The following IQSEC1 variants were observed in gnomAD, a reference collection of about 807,000 sequenced individuals.
IQSEC1 encodes the protein IQ motif and SEC7 domain-containing protein 1.
IQSEC1 carries 31 observed loss-of-function variants against 91.0 expected under a neutral mutation model. The ratio of observed to expected loss-of-function variants is 0.34; its 90% CI spans 0.26 to 0.46. IQSEC1 has a LOEUF of 0.46. Ranked by LOEUF, IQSEC1 falls within the 20% of genes least tolerant of loss-of-function variation. The pLI is 1.00. For missense variants in IQSEC1, 1,388 were observed against 1,575.6 expected (o/e 0.88, Z 2.02); for synonymous variants, 699 against 662.6 (o/e 1.05, Z -0.84).
intron 2 of IQSEC1, among the ~76,000 whole-genome samples, chr3:13,100,715 C>T (rs1227689973): frequency 6.7e-6 from 1 of 148,982 alleles, no homozygotes; most frequent in Admixed American, 6.6e-5. Context: ...TCCTGCCGAG[C>T]CTCACATTTC....
chr3:12,926,779 C>G (rs112329451), intron 3 of IQSEC1, among the ~76,000 whole-genome samples: 123 of 152,334 alleles, frequency 8.1e-4, no homozygotes, highest in African/African-American at 2.8e-3. Flanking sequence ...CTGCAGACAC[C>G]GCATTTCCAT....
In IQSEC1 at chr3:12,902,915, C is replaced by A. The variant is rs979268158; in HGVS notation, c.2756-93G>T. The A allele has an allele frequency of 1.3e-5, 13 of 970,006 alleles. No individual in the cohort carries two copies. In the Admixed American group the frequency reaches 2.4e-4, roughly 18 times the overall value. 60.1% of individuals were successfully genotyped at this position (970,006 alleles called of 1,614,324 possible). ...CCACGCTGCTGCCACGGAGCCTGCA[C>A]CCCTGCTGGGAGCAGGCACAGGTGC... On this transcript the variant is annotated intron_variant, in intron 12 of 13. Coordinates refer to ENST00000613206, the MANE Select transcript of IQSEC1 (RefSeq NM_001134382.3).
chr3:12,900,559 G>A lies in IQSEC1; in HGVS notation c.*424C>T, dbSNP rs1694148167. Reference sequence around the variant, plus strand: ...ATTTTTTTGCCCATTGTCAATAAAAGAGCAATAATGCAGCAAGTTTTGGGG... The same window carrying A: ...ATTTTTTTGCCCATTGTCAATAAAAAAGCAATAATGCAGCAAGTTTTGGGG... On this transcript the variant is annotated 3_prime_UTR_variant, in exon 14 of 14. Coordinates refer to ENST00000613206, the MANE Select transcript of IQSEC1 (RefSeq NM_001134382.3). The A allele has an allele frequency of 4.0e-6, 4 of 995,228 alleles. No homozygotes were observed. The South Asian group carries it at 1.3e-4, about 33-fold the overall frequency. 61.6% of individuals were successfully genotyped at this position (995,228 alleles called of 1,614,324 possible).
At chr3:13,005,551 T>C (rs1702601402) in intron 1 of IQSEC1, among the ~76,000 whole-genome samples, 1 of 152,204 alleles carries the variant, frequency 6.6e-6, no homozygotes, top group Non-Finnish European at 1.5e-5. Flanking sequence ...GGGGCTGACA[T>C]TCACAGCAGG....
intron 2 of IQSEC1, among the ~76,000 whole-genome samples, chr3:13,128,377 T>C (rs768070298): frequency 6.6e-6 from 1 of 152,214 alleles, no homozygotes; most frequent in Non-Finnish European, 1.5e-5. Flanking sequence ...GTTTTCTTAA[T>C]CATGCATGGG....
intron 1 of IQSEC1, among the ~76,000 whole-genome samples, chr3:13,179,469 G>A (rs1425960544): frequency 3.9e-5 from 6 of 152,230 alleles, no homozygotes; most frequent in South Asian, 2.1e-4. Flanking sequence ...CCTATACCTC[G>A]TGGAAATATC....
Position 12,900,936 on chromosome 3 carries a change from G to A in IQSEC1, c.*47C>T. On this transcript the variant is annotated 3_prime_UTR_variant, in exon 14 of 14. Coordinates refer to ENST00000613206, the MANE Select transcript of IQSEC1 (RefSeq NM_001134382.3). ...CTGGCGACCCCCGGGCGTGCCCTGT[G>A]TGGTGTGCAGGTGTTTCAGGGAGCC... is the stretch of plus-strand genomic sequence containing the variant. 1 of 1,538,872 alleles carries A rather than the reference G, an allele frequency of 6.5e-7. No homozygotes were observed.
chr3:13,272,152 G>C (rs1423125328), intron 1 of IQSEC1, among the ~76,000 whole-genome samples: 2 of 152,188 alleles, frequency 1.3e-5, no homozygotes. Flanking sequence ...AGCTCTGATA[G>C]GGATATGCTT....
At chr3:12,958,486 C>T (rs1700055717) in intron 1 of IQSEC1, among the ~76,000 whole-genome samples, 1 of 152,190 alleles carries the variant, frequency 6.6e-6, no homozygotes, top group East Asian at 1.9e-4. Flanking sequence ...ATAACACACA[C>T]AAAATCCTCA....
chr3:12,914,004 C>G (rs1241027767), intron 8 of IQSEC1, among the ~76,000 whole-genome samples: 1 of 152,198 alleles, frequency 6.6e-6, no homozygotes, highest in Non-Finnish European at 1.5e-5. Context: ...AAAACTGAGG[C>G]ACAGAAGTAA....
chr3:12,950,588 CT>C (rs1431907340), intron 1 of IQSEC1, among the ~76,000 whole-genome samples: 10 of 152,084 alleles, frequency 6.6e-5, no homozygotes, highest in Non-Finnish European at 1.2e-4. Flanking sequence ...AGGAGGATCA[CT>C]TGAGGCCAGG....
Position 13,246,807 on chromosome 3 carries a change from G to A in IQSEC1, c.272+35904C>T, listed in dbSNP as rs138195979. ...ACTGCAGACACCTCCCTCCCTGCACGGACCGGGCAGGAACAGCGAGCTATG... is the reference window on the plus strand; with the variant it reads ...ACTGCAGACACCTCCCTCCCTGCACAGACCGGGCAGGAACAGCGAGCTATG... On this transcript the variant is annotated intron_variant, in intron 1 of 15. Coordinates refer to the IQSEC1 transcript ENST00000648114. Among the ~76,000 whole-genome samples, 1,387 of 152,228 alleles carry A rather than the reference G, an allele frequency of 9.1e-3. 10 individuals are homozygous for A. Among genetic ancestry groups the A allele is most frequent in the African/African-American group, 0.032 (1,313 of 41,524 alleles).
chr3:13,159,300 A>G lies in IQSEC1; in HGVS notation c.302+4804T>C, dbSNP rs67229751. 5.0e-3 allele frequency among the ~76,000 whole-genome samples: 755 copies of G among 152,222 alleles called. 6 individuals carry two copies. Among genetic ancestry groups the G allele is most frequent in the African/African-American group, 0.017 (702 of 41,554 alleles). On this transcript the variant is annotated intron_variant, in intron 2 of 15. Transcript: ENST00000648114. ...AAAAATTAGCTGGGCCTGGTGGCAG[A>G]CACCTGCAATCCCAGCTTCTCGGGA...
At chr3:13,216,302 TAC>T (rs1413344453) in intron 1 of IQSEC1, among the ~76,000 whole-genome samples, 2 of 152,218 alleles carry the variant, frequency 1.3e-5, no homozygotes, top group Non-Finnish European at 2.9e-5. Context: ...CAGCATCCCC[TAC>T]ACCAGCAGCC....
chr3:13,203,686 A>T (rs901592039), intron 1 of IQSEC1, among the ~76,000 whole-genome samples: 4 of 152,172 alleles, frequency 2.6e-5, no homozygotes, highest in Non-Finnish European at 5.9e-5. Context: ...GTGGGTCTCA[A>T]AGCAAGTCAG....
chr3:13,078,399 C>A (rs1246312929), upstream of IQSEC1, among the ~76,000 whole-genome samples: 1 of 152,170 alleles, frequency 6.6e-6, no homozygotes, highest in Non-Finnish European at 1.5e-5. Flanking sequence ...CCCCTGCGTG[C>A]AGAGACAGAG....
chr3:12,915,639 C>T lies in IQSEC1; in HGVS notation c.2115G>A (p.Val705=). 6.2e-7 allele frequency: 1 copy of T among 1,614,162 alleles called. No homozygotes were observed. The highest frequency in any genetic ancestry group is 8.5e-7 in the Non-Finnish European group (1 of 1,180,020). The change falls in exon 7 of 14, where the codon GTG becomes GTA. Residue 705 remains valine, a synonymous_variant. Transcript: ENST00000613206. ...KRELKTNEDH[V]SQVQKVEKLI... The stretch of plus-strand genomic sequence containing the variant: ...GCTTCTCCACCTTCTGCACCTGGGA[C>T]ACATGGTCCTCATTGGTCTTTAGCT...
Position 12,967,779 on chromosome 3 carries a change from C to G in IQSEC1, c.24-25914G>C. Reference sequence around the variant, plus strand: ...GCCGGAGGGCGAGCTGGGGGCGGGGCCGGAGGGCGAGCTGGGGGCGGGGCT... The same window carrying G: ...GCCGGAGGGCGAGCTGGGGGCGGGGGCGGAGGGCGAGCTGGGGGCGGGGCT... On this transcript the variant is annotated intron_variant, in intron 1 of 13. Transcript: ENST00000613206. This position sits in a 1 kb window ranked among gnomAD's most constrained non-coding sequence, Gnocchi z 5.9. The G allele has an allele frequency of 1.2e-6, 1 of 833,390 alleles. No homozygotes were observed. Among genetic ancestry groups the G allele is most frequent in the Non-Finnish European group, 1.5e-6 (1 of 685,002 alleles). 51.6% of individuals were successfully genotyped at this position (833,390 alleles called of 1,614,324 possible). A position where few individuals can be genotyped will look rare whatever the true frequency, so the allele number is the denominator to read the frequency against.
At chr3:13,058,496 C>G (rs891091907) in intron 1 of IQSEC1, among the ~76,000 whole-genome samples, 1 of 152,170 alleles carries the variant, frequency 6.6e-6, no homozygotes, top group African/African-American at 2.4e-5. Context: ...CAGGAGCAAG[C>G]TGGGGTTCAG....
Sources: allele counts gnomAD v4.1 joint callset (sites outside exome capture counted in the v4.1 genomes callset), GRCh38; gene constraint gnomAD v4.1.1; non-coding constraint Gnocchi (gnomAD v3.1); transcripts MANE v1.5; gene names NCBI Gene and HGNC (gene_info 2026-07-23, HGNC 2026-07-21).